SGCD: variants seen among roughly 807,000 people sequenced by gnomAD.
SGCD encodes delta-sarcoglycan.
A neutral mutation model predicts 36.6 loss-of-function variants in SGCD; 18 were observed. That is an observed-to-expected ratio of 0.49 (90% CI 0.34 to 0.73). The LOEUF is 0.73. Among genes scored for constraint, SGCD ranks in the 30% least tolerant of loss-of-function variants. The pLI, the probability that SGCD is intolerant of heterozygous loss-of-function variation, is 0.01. For missense variants in SGCD, 387 were observed against 346.7 expected (o/e 1.12, Z -0.92); for synonymous variants, 133 against 130.6 (o/e 1.02, Z -0.12).
chr5:156,749,580 G>C (rs1425198349), intron 7 of SGCD, among the ~76,000 whole-genome samples: 1 of 152,044 alleles, frequency 6.6e-6, no homozygotes. Flanking sequence ...AACGCAGGGG[G>C]CATCTTATTT....
At chr5:156,088,751 T>G (rs1276276367) in intron 1 of SGCD, among the ~76,000 whole-genome samples, 1 of 152,216 alleles carries the variant, frequency 6.6e-6, no homozygotes, top group South Asian at 2.1e-4. Flanking sequence ...TTTCATTCTA[T>G]TCATTCTACA....
At chr5:156,713,377 G>T (rs1755076747) in intron 7 of SGCD, among the ~76,000 whole-genome samples, 1 of 150,682 alleles carries the variant, frequency 6.6e-6, no homozygotes, top group African/African-American at 2.4e-5. Context: ...TATTATCCTG[G>T]GGGGACAGGA....
At chr5:156,195,244 A>G (rs1299632077) in intron 3 of SGCD, among the ~76,000 whole-genome samples, 1 of 152,168 alleles carries the variant, frequency 6.6e-6, no homozygotes, top group Non-Finnish European at 1.5e-5. Context: ...AGAGAAGACT[A>G]TTTATTAGTC....
chr5:156,616,398 G>A (rs1374300101), intron 6 of SGCD, among the ~76,000 whole-genome samples: 1 of 152,160 alleles, frequency 6.6e-6, no homozygotes, highest in Non-Finnish European at 1.5e-5. Flanking sequence ...AAGGAAAATT[G>A]GGGTGTTGTT....
the SGCD span, among the ~76,000 whole-genome samples, chr5:155,859,238 A>G: frequency 2.0e-5 from 3 of 151,240 alleles, no homozygotes; most frequent in South Asian, 2.1e-4. Flanking sequence ...TATTATTATT[A>G]TTGTTATTTG....
intron 3 of SGCD, among the ~76,000 whole-genome samples, chr5:156,387,088 T>C (rs1771316862): frequency 6.6e-6 from 1 of 152,200 alleles, no homozygotes; most frequent in African/African-American, 2.4e-5. Flanking sequence ...CAAGAAGGCC[T>C]TGGGGAATGA....
chr5:156,099,414 T>G (rs1335145728), intron 1 of SGCD, among the ~76,000 whole-genome samples: 2 of 152,180 alleles, frequency 1.3e-5, no homozygotes, highest in Non-Finnish European at 2.9e-5. Context: ...AATTCCTTTT[T>G]TTGTTGTTGT....
At chr5:155,729,915 C>G in the SGCD span, among the ~76,000 whole-genome samples, 1 of 152,306 alleles carries the variant, frequency 6.6e-6, no homozygotes, top group Admixed American at 6.5e-5. Context: ...GCCTTCCCCA[C>G]GATCCCTGGC....
chr5:156,084,269 T>C (rs1247902991), intron 1 of SGCD, among the ~76,000 whole-genome samples: 4 of 152,200 alleles, frequency 2.6e-5, no homozygotes, highest in Non-Finnish European at 5.9e-5. Context: ...TTTAATTTTT[T>C]CAACAGCACT....
At chr5:155,844,780 A>G in the SGCD span, among the ~76,000 whole-genome samples, 1 of 152,220 alleles carries the variant, frequency 6.6e-6, no homozygotes, top group African/African-American at 2.4e-5. Context: ...ACAGTAGTAT[A>G]TGAAGCGGTA....
intron 4 of SGCD, among the ~76,000 whole-genome samples, chr5:156,562,807 A>C (rs749014505): frequency 5.6e-4 from 84 of 151,286 alleles, no homozygotes; most frequent in Non-Finnish European, 1.0e-3. Flanking sequence ...ATGTAGTTAA[A>C]TATATACATA....
intron 4 of SGCD, 112 bp downstream of exon 4, chr5:156,508,814 G>A (rs1400125958): frequency 3.5e-6 from 2 of 576,252 alleles, no homozygotes; most frequent in African/African-American, 3.8e-5. Flanking sequence ...AGTAATACTG[G>A]TATTAAGATG....
intron 3 of SGCD, among the ~76,000 whole-genome samples, chr5:156,189,354 T>TA (rs541612932): frequency 1.3e-5 from 2 of 152,046 alleles, no homozygotes; most frequent in South Asian, 2.1e-4. Flanking sequence ...ACTGTAATGC[T>TA]AAAAAAAATT....
At chr5:156,174,376 T>A (rs577649583) in intron 3 of SGCD, among the ~76,000 whole-genome samples, 45 of 152,094 alleles carry the variant, frequency 3.0e-4, no homozygotes, top group African/African-American at 9.9e-4. Flanking sequence ...CAAGTGTGTA[T>A]AAAAAGAAAC....
chr5:155,731,392 G>A, the SGCD span, among the ~76,000 whole-genome samples: 1 of 151,942 alleles, frequency 6.6e-6, no homozygotes, highest in Non-Finnish European at 1.5e-5. Context: ...AAAGAGAGGT[G>A]CCCTGAAGAC....
intron 6 of SGCD, among the ~76,000 whole-genome samples, chr5:156,619,937 T>C (rs1411925736): frequency 6.6e-6 from 1 of 152,164 alleles, no homozygotes; most frequent in African/African-American, 2.4e-5. Flanking sequence ...GGAACAGTGG[T>C]TAATGGGGTA....
intron 3 of SGCD, among the ~76,000 whole-genome samples, chr5:156,485,832 G>A (rs945563219): frequency 6.6e-6 from 1 of 152,082 alleles, no homozygotes; most frequent in Non-Finnish European, 1.5e-5. Context: ...AGAGAGAAGT[G>A]AAGCAGCTAG....
At chr5:155,777,731 C>A in the SGCD span, among the ~76,000 whole-genome samples, 2 of 152,056 alleles carry the variant, frequency 1.3e-5, no homozygotes, top group African/African-American at 4.8e-5. Flanking sequence ...TTGGCCATTT[C>A]TGGTTATGGT....
At chr5:156,412,787 C>CTTTTTTTTTTTTTTTTTTTTT (rs35464853) in intron 3 of SGCD, among the ~76,000 whole-genome samples, 1 of 105,016 alleles carries the variant, frequency 9.5e-6, no homozygotes, top group African/African-American at 3.9e-5. Flanking sequence ...AGGGTTGGTT[C>CTTTTTTTTTTTTTTTTTTTTT]TTTTTTTTTT....
Sources: gnomAD v4.1 joint callset for allele counts (sites outside exome capture counted in the v4.1 genomes callset) on GRCh38, gnomAD v4.1.1 for gene constraint, MANE v1.5 for transcripts, NCBI Gene and HGNC (gene_info 2026-07-23, HGNC 2026-07-21) for gene names.